RASA1: variants seen among roughly 807,000 people sequenced by gnomAD.
RASA1 encodes the protein RAS p21 protein activator 1.
RASA1 carries 25 observed loss-of-function variants against 132.2 expected under a neutral mutation model. That is an observed-to-expected ratio of 0.19 (90% CI 0.14 to 0.26). The LOEUF (loss-of-function observed/expected upper bound fraction) is 0.26, where lower values mean the gene tolerates loss of function less well. Among genes scored for constraint, RASA1 ranks in the 10% least tolerant of loss-of-function variants. RASA1 has a pLI of 1.00. For missense variants in RASA1, 964 were observed against 1,299.2 expected (o/e 0.74, Z 3.97); for synonymous variants, 477 against 449.9 (o/e 1.06, Z -0.76).
At chr5:87,387,698 A>G (rs1219427449) in intron 23 of RASA1, among the ~76,000 whole-genome samples, 1 of 152,154 alleles carries the variant, frequency 6.6e-6, no homozygotes, top group Non-Finnish European at 1.5e-5. Context: ...ATTTGTGGCA[A>G]ACAAATCAGG....
chr5:87,315,811 ATTTG>A (rs1311547445), intron 1 of RASA1, among the ~76,000 whole-genome samples: 1 of 152,184 alleles, frequency 6.6e-6, no homozygotes, highest in Non-Finnish European at 1.5e-5. Flanking sequence ...AATTATGGTT[ATTTG>A]TTTTACTTCA....
intron 1 of RASA1, among the ~76,000 whole-genome samples, chr5:87,293,234 G>A (rs776752983): frequency 1.3e-5 from 2 of 151,414 alleles, no homozygotes; most frequent in Admixed American, 6.6e-5. Flanking sequence ...GGTGTTAGCT[G>A]TAGATTTTTT....
intron 11 of RASA1, among the ~76,000 whole-genome samples, chr5:87,364,855 G>A (rs1760386130): frequency 6.6e-6 from 1 of 152,074 alleles, no homozygotes; most frequent in Non-Finnish European, 1.5e-5. Context: ...GGGTTACTGA[G>A]GTAGCAAAAG....
At chr5:87,360,025 T>C (rs1580349274) in intron 9 of RASA1, among the ~76,000 whole-genome samples, 1 of 152,334 alleles carries the variant, frequency 6.6e-6, no homozygotes, top group Non-Finnish European at 1.5e-5. Flanking sequence ...ATTACTTTGG[T>C]TCTTCTTGCA....
At chr5:87,306,612 A>G (rs1755624962) in intron 1 of RASA1, among the ~76,000 whole-genome samples, 1 of 152,020 alleles carries the variant, frequency 6.6e-6, no homozygotes, top group Admixed American at 6.6e-5. Flanking sequence ...TGAACTTAAA[A>G]GTTGAAAAAA....
chr5:87,287,501 A>G (rs951287128), intron 1 of RASA1, among the ~76,000 whole-genome samples: 1 of 147,618 alleles, frequency 6.8e-6, no homozygotes, highest in Non-Finnish European at 1.5e-5. Flanking sequence ...TATATACACC[A>G]TATATATACC....
At chr5:87,347,204 G>T (rs1447319684) in intron 7 of RASA1, among the ~76,000 whole-genome samples, 1 of 151,732 alleles carries the variant, frequency 6.6e-6, no homozygotes, top group East Asian at 1.9e-4. Context: ...ATATTGTATT[G>T]TTTTTATTCT....
rs1757602361 is a variant in RASA1 at position 87,331,568 on chromosome 5, C to T, written c.692+68C>T. Reference sequence around the variant, plus strand: ...TTTGATATAATATTCATAAATATACCTGTATAATAAAGGTGAATGACTCAG... The same window carrying T: ...TTTGATATAATATTCATAAATATACTTGTATAATAAAGGTGAATGACTCAG... On this transcript the variant is annotated intron_variant, in intron 2 of 24. Transcript: ENST00000274376. The T allele has an allele frequency of 1.1e-5, 17 of 1,530,952 alleles. 1 individual carries two copies. The South Asian group carries it at 1.5e-4, about 13-fold the overall frequency. 94.8% of individuals were successfully genotyped at this position (1,530,952 alleles called of 1,614,324 possible). A position where few individuals can be genotyped will look rare whatever the true frequency, so the allele number is the denominator to read the frequency against.
At chr5:87,377,098 G>A in intron 17 of RASA1, 58 bp downstream of exon 17, 2 of 1,531,714 alleles carry the variant, frequency 1.3e-6, no homozygotes, top group Non-Finnish European at 1.8e-6. Context: ...TTATATCAAG[G>A]ATATATGGAC....
chr5:87,289,762 C>T (rs892783479), intron 1 of RASA1, among the ~76,000 whole-genome samples: 1 of 152,090 alleles, frequency 6.6e-6, no homozygotes, highest in Non-Finnish European at 1.5e-5. Context: ...AGATGCATGC[C>T]ACCATGCCCA....
chr5:87,389,570 T>C, intron 24 of RASA1, 43 bp downstream of exon 24: 1 of 1,606,260 alleles, frequency 6.2e-7, no homozygotes. Context: ...GTTTCAAAGA[T>C]AACACTTAGA....
intron 1 of RASA1, among the ~76,000 whole-genome samples, chr5:87,319,121 G>A (rs552008908): frequency 3.2e-4 from 49 of 152,298 alleles, no homozygotes; most frequent in African/African-American, 1.2e-3. Flanking sequence ...GGCCTCCTAA[G>A]GCCTTTGGCA....
chr5:87,341,008 A>T (rs1040300245), intron 5 of RASA1, among the ~76,000 whole-genome samples: 1 of 151,708 alleles, frequency 6.6e-6, no homozygotes, highest in Non-Finnish European at 1.5e-5. Context: ...GCTGCTGTTG[A>T]AACTGATGTA....
At chr5:87,374,129 G>A in intron 13 of RASA1, 34 bp from the exon 14 acceptor site, 4 of 1,304,444 alleles carry the variant, frequency 3.1e-6, no homozygotes, top group Non-Finnish European at 3.9e-6. Flanking sequence ...AGAAATCTGG[G>A]GTAATATATA....
At chr5:87,382,240 C>T (rs946267612) in intron 20 of RASA1, among the ~76,000 whole-genome samples, 1 of 152,172 alleles carries the variant, frequency 6.6e-6, no homozygotes, top group Non-Finnish European at 1.5e-5. Flanking sequence ...CATGAGCCAC[C>T]ATGCCCAGCC....
At chr5:87,367,012 C>T (rs527885936) in intron 11 of RASA1, among the ~76,000 whole-genome samples, 8 of 152,316 alleles carry the variant, frequency 5.3e-5, no homozygotes, top group African/African-American at 1.9e-4. Flanking sequence ...ACACCCATGG[C>T]AGAGTGAGGC....
Position 87,332,548 on chromosome 5 carries a change from G to A in RASA1, c.734G>A (p.Arg245His). 1 of 1,607,734 alleles carries A rather than the reference G, an allele frequency of 6.2e-7. No homozygotes were observed. Among genetic ancestry groups the A allele is most frequent in the Non-Finnish European group, 8.5e-7 (1 of 1,174,640 alleles). ...GGAGATTACTACATTGGTGGAAGAC[G>A]TTTTTCTTCACTGTCAGACCTAATA... is the stretch of plus-strand genomic sequence containing the variant. ...MCGDYYIGGR[R>H]FSSLSDLIGY... The change falls in exon 3 of 25, where the codon CGT (arginine) becomes CAT (histidine). Residue 245 changes from arginine to histidine, a missense_variant. Coordinates refer to ENST00000274376, the MANE Select transcript of RASA1 (RefSeq NM_002890.3).
chr5:87,365,788 AAAG>A (rs1340320676), intron 11 of RASA1, among the ~76,000 whole-genome samples: 2 of 152,118 alleles, frequency 1.3e-5, no homozygotes, highest in African/African-American at 4.8e-5. Flanking sequence ...ACTTTGAAAC[AAAG>A]AAGGTCCTAT....
At chr5:87,366,868 T>C (rs936556420) in intron 11 of RASA1, among the ~76,000 whole-genome samples, 5 of 152,154 alleles carry the variant, frequency 3.3e-5, no homozygotes, top group Non-Finnish European at 7.4e-5. Flanking sequence ...CCCGTCTCTT[T>C]AAAAAATTAA....
Sources: allele counts gnomAD v4.1 joint callset (sites outside exome capture counted in the v4.1 genomes callset), GRCh38; gene constraint gnomAD v4.1.1; transcripts MANE v1.5; gene names NCBI Gene and HGNC (gene_info 2026-07-23, HGNC 2026-07-21).